Variants in ANLN observed in about 807,000 individuals in gnomAD.
The protein encoded by ANLN is anillin.
Under a neutral mutation model 135.1 loss-of-function variants are expected in ANLN, and 59 were observed. The observed-to-expected ratio is 0.44, with a 90% CI of 0.35 to 0.54. The LOEUF (loss-of-function observed/expected upper bound fraction) is 0.54, where lower values mean the gene tolerates loss of function less well. Ranked by LOEUF, ANLN falls within the 20% of genes least tolerant of loss-of-function variation. The probability of loss-of-function intolerance (pLI) is 0.00; values close to 1 mark genes in which losing one functional copy is unlikely to be tolerated. For synonymous variants in ANLN, 406 were observed against 456.4 expected, an observed-to-expected ratio of 0.89 and a Z score of 1.41; for missense variants, 1,182 against 1,340.0, an observed-to-expected ratio of 0.88 and a Z score of 1.84.
At chr7:36,431,561 TTGTGTGTGTGTGTGTGTGTG>T (rs1186662720) in intron 20 of ANLN, among the ~76,000 whole-genome samples, 1 of 76,028 alleles carries the variant, frequency 1.3e-5, no homozygotes, top group African/African-American at 5.0e-5. Flanking sequence ...ATGTGTGTGT[TTGTGTGTGTGTGTGTGTGTG>T]TGTGTGTGTG....
intron 22 of ANLN, among the ~76,000 whole-genome samples, chr7:36,444,891 C>G (rs1054536580): frequency 8.6e-5 from 13 of 152,000 alleles, no homozygotes; most frequent in African/African-American, 3.1e-4. Flanking sequence ...TGTTGGATAG[C>G]TATGTGTGTT....
intron 2 of ANLN, among the ~76,000 whole-genome samples, chr7:36,397,999 A>C (rs1416014861): frequency 1.3e-5 from 2 of 152,232 alleles, no homozygotes; most frequent in African/African-American, 4.8e-5. Flanking sequence ...GTTGATGTCA[A>C]CGAGGCAATC....
At chr7:36,452,221 C>T (rs542934988) in intron 23 of ANLN, among the ~76,000 whole-genome samples, 2 of 152,356 alleles carry the variant, frequency 1.3e-5, no homozygotes, top group East Asian at 1.9e-4. Flanking sequence ...CTGTATAAAA[C>T]ACCTGTTGGA....
intron 9 of ANLN, among the ~76,000 whole-genome samples, chr7:36,418,755 T>G (rs1787750306): frequency 1.4e-5 from 1 of 69,450 alleles, no homozygotes; most frequent in Non-Finnish European, 3.7e-5. Flanking sequence ...TTCTTTTTTC[T>G]TTTTTTTTTT....
At position 36,406,563 on chromosome 7, in the gene ANLN, T is replaced by C. The variant is rs1425935025; in HGVS notation, c.870T>C (p.Ser290=). 1 of 1,503,528 alleles carries C rather than the reference T, an allele frequency of 6.7e-7. No individual in the cohort carries two copies. The allele number at this position is 1,503,528 out of a possible 1,614,324, so 93.1% of individuals were successfully genotyped here. A position where few individuals can be genotyped will look rare whatever the true frequency, so the allele number is the denominator to read the frequency against. Residue 290 remains serine, a synonymous_variant, in exon 4 of 24, where the codon TCT becomes TCC. Transcript: ENST00000265748. ...ASLVNASISS[S]VKATSPVKST... ...TGGTTAATGCCTCAATTTCCAGCTC[T>C]GTGGTAAGTCAGTATCATTTTGGTC...
chr7:36,421,777 A>G (rs761008809), intron 12 of ANLN, 80 bp from the exon 13 acceptor site: 6 of 1,325,730 alleles, frequency 4.5e-6, no homozygotes, highest in Middle Eastern at 1.9e-4. Context: ...TATCCAATCA[A>G]GTTAGTTAGA....
At chr7:36,425,795 T>C in intron 18 of ANLN, 55 bp downstream of exon 18, 4 of 1,545,878 alleles carry the variant, frequency 2.6e-6, no homozygotes, top group Admixed American at 1.8e-5. Flanking sequence ...ATCTTACCCA[T>C]ACAGTTTTAA....
Position 36,423,898 on chromosome 7 carries a change from A to C in ANLN, c.2558A>C (p.Asn853Thr). The C allele has an allele frequency of 2.5e-6, 4 of 1,612,618 alleles. No homozygotes were observed. Among genetic ancestry groups the C allele is most frequent in the Non-Finnish European group, 3.4e-6 (4 of 1,179,230 alleles). ...GCCACACCATTAGCAAGTACTTCAA[A>C]CTCTCTTAACGGTGATGCTCTGACA... The part of the protein sequence containing the change: ...MVATPLASTS[N>T]SLNGDALTFT... The change falls in exon 15 of 24, where the codon AAC becomes ACC. Residue 853 changes from asparagine to threonine, a missense_variant. Around this residue, in one of 3 missense-constraint regions of ANLN, gnomAD observed 1,022 missense variants for 1,134.0 expected, o/e 0.90. Coordinates refer to ENST00000265748, the MANE Select transcript of ANLN (RefSeq NM_018685.5).
chr7:36,439,797 G>A (rs973030213), intron 21 of ANLN, among the ~76,000 whole-genome samples: 6 of 152,210 alleles, frequency 3.9e-5, no homozygotes, highest in Admixed American at 3.3e-4. Context: ...GATAGCTAGA[G>A]CTTAGAGTTT....
chr7:36,442,977 A>G (rs1001253112), intron 21 of ANLN, among the ~76,000 whole-genome samples: 4 of 151,566 alleles, frequency 2.6e-5, no homozygotes, highest in African/African-American at 7.3e-5. Context: ...GGGCTTCTAT[A>G]TAGATTAGGG....
chr7:36,389,892 A>C lies in ANLN; in HGVS notation c.-135A>C. 6.6e-7 allele frequency: 1 copy of C among 1,508,262 alleles called. No individual in the cohort carries two copies. The highest frequency in any genetic ancestry group is 1.1e-5 in the South Asian group (1 of 87,868). The allele number at this position is 1,508,262 out of a possible 1,614,324, so 93.4% of individuals were successfully genotyped here. A position where few individuals can be genotyped will look rare whatever the true frequency, so the allele number is the denominator to read the frequency against. Reference sequence around the variant, plus strand: ...CGTCACTGGAAGCCGAGAGGAGAGGACAGCTGGTTGTGGGAGAGTTCCCCC... The same window carrying C: ...CGTCACTGGAAGCCGAGAGGAGAGGCCAGCTGGTTGTGGGAGAGTTCCCCC... On this transcript the variant is annotated 5_prime_UTR_variant, in exon 1 of 24. Coordinates refer to ENST00000265748, the MANE Select transcript of ANLN (RefSeq NM_018685.5).
At chr7:36,418,187 T>C (rs1186095272) in intron 9 of ANLN, among the ~76,000 whole-genome samples, 1 of 152,214 alleles carries the variant, frequency 6.6e-6, no homozygotes, top group Non-Finnish European at 1.5e-5. Context: ...TGTTCAGTTA[T>C]CCAGAAGCTC....
At chr7:36,417,683 T>TC (rs1787702888) in intron 9 of ANLN, among the ~76,000 whole-genome samples, 1 of 144,898 alleles carries the variant, frequency 6.9e-6, no homozygotes. Flanking sequence ...CCTTTTTTTT[T>TC]TTTTTTTTTT....
intron 7 of ANLN, among the ~76,000 whole-genome samples, chr7:36,412,432 G>A (rs1036629532): frequency 4.0e-5 from 6 of 149,730 alleles, no homozygotes; most frequent in Admixed American, 1.3e-4. Context: ...GGCTTCAAGC[G>A]ATTCTCCTGC....
rs558877433 is a variant in ANLN at position 36,417,237 on chromosome 7, G to A, written c.1633+47G>A. On this transcript the variant is annotated intron_variant, in intron 9 of 23. Coordinates refer to ENST00000265748, the MANE Select transcript of ANLN (RefSeq NM_018685.5). Reference sequence around the variant, plus strand: ...ATTATTAACTTTGCACATACTATAGGAAATAATATATTGATAGAAGCACAT... The same window carrying A: ...ATTATTAACTTTGCACATACTATAGAAAATAATATATTGATAGAAGCACAT... 6.8e-6 allele frequency: 7 copies of A among 1,033,542 alleles called. No individual in the cohort carries two copies. In the East Asian group the frequency reaches 1.5e-4, roughly 23 times the overall value. 64.0% of individuals were successfully genotyped at this position (1,033,542 alleles called of 1,614,324 possible). A position where few individuals can be genotyped will look rare whatever the true frequency, so the allele number is the denominator to read the frequency against.
At chr7:36,422,121 TG>T in intron 13 of ANLN, 129 bp downstream of exon 13, 1 of 1,136,652 alleles carries the variant, frequency 8.8e-7, no homozygotes, top group South Asian at 1.8e-5. Context: ...ATCTATTTTT[TG>T]TTCTTGTTTT....
chr7:36,391,083 G>A (rs1313133876), intron 1 of ANLN, among the ~76,000 whole-genome samples: 2 of 152,190 alleles, frequency 1.3e-5, no homozygotes, highest in Non-Finnish European at 2.9e-5. Flanking sequence ...AGCAATTAGA[G>A]TTTACTTATA....
At chr7:36,435,765 C>T (rs549682712) in intron 20 of ANLN, among the ~76,000 whole-genome samples, 3 of 143,654 alleles carry the variant, frequency 2.1e-5, no homozygotes, top group Admixed American at 7.3e-5. Context: ...CCCAGCTACT[C>T]GGGAGGCTGA....
chr7:36,431,589 G>A (rs868192040), intron 20 of ANLN, among the ~76,000 whole-genome samples: 103 of 22,306 alleles, frequency 4.6e-3, no homozygotes, highest in Non-Finnish European at 1.0e-2. Context: ...GTGTGTGTGT[G>A]TGTGTGTGTA....
Sources: allele counts gnomAD v4.1 joint callset (sites outside exome capture counted in the v4.1 genomes callset), GRCh38; gene constraint gnomAD v4.1.1; regional missense constraint gnomAD v4.1.1; transcripts MANE v1.5; gene names NCBI Gene and HGNC (gene_info 2026-07-23, HGNC 2026-07-21).